The following NCAPH variants were observed in gnomAD, a reference collection of about 807,000 sequenced individuals.
NCAPH encodes the protein condensin complex subunit 2.
NCAPH carries 38 observed loss-of-function variants against 85.5 expected under a neutral mutation model. The observed-to-expected ratio is 0.44, with a 90% confidence interval of 0.34 to 0.58. The LOEUF (loss-of-function observed/expected upper bound fraction) is 0.58. NCAPH is among the 20% of genes least tolerant of loss of function. NCAPH has a pLI of 0.01. For missense variants in NCAPH, 789 were observed against 916.6 expected (o/e 0.86, Z 1.80); for synonymous variants, 301 against 335.1 (o/e 0.90, Z 1.11).
At chr2:96,359,254 A>G in intron 10 of NCAPH, 61 bp downstream of exon 10, 1 of 1,587,700 alleles carries the variant, frequency 6.3e-7, no homozygotes, top group Non-Finnish European at 8.6e-7. Flanking sequence ...GCCAGTCAGC[A>G]GTTAGCCAAG....
intron 12 of NCAPH, among the ~76,000 whole-genome samples, chr2:96,361,901 C>CAGG (rs2064628652): frequency 7.1e-6 from 1 of 141,360 alleles, no homozygotes; most frequent in Non-Finnish European, 1.5e-5. Context: ...TTTTTAGAGA[C>CAGG]AGGGTCTTGC....
At chr2:96,372,926 C>A (rs2104513618) in intron 17 of NCAPH, among the ~76,000 whole-genome samples, 1 of 152,210 alleles carries the variant, frequency 6.6e-6, no homozygotes, top group Non-Finnish European at 1.5e-5. Flanking sequence ...CCTTGGAACA[C>A]CCCTCGAGGA....
chr2:96,349,579 G>A (rs1222592945), intron 6 of NCAPH, among the ~76,000 whole-genome samples: 6 of 151,922 alleles, frequency 3.9e-5, no homozygotes, highest in African/African-American at 1.5e-4. Context: ...ATGGGATTTT[G>A]CCATGTTGGC....
intron 13 of NCAPH, among the ~76,000 whole-genome samples, chr2:96,364,810 A>C (rs1280732598): frequency 1.3e-5 from 2 of 152,226 alleles, no homozygotes; most frequent in Non-Finnish European, 2.9e-5. Flanking sequence ...TCCTACATGC[A>C]GGAAGCAAAT....
In NCAPH at chr2:96,341,716, C is replaced by A. The variant is rs754320925; in HGVS notation, c.94C>A (p.Arg32Ser). The change falls in exon 2 of 18, where the codon CGT becomes AGT. Residue 32 changes from arginine (R) to serine (S), a missense_variant. By Grantham distance (110) the Arg-to-Ser change is moderately radical (BLOSUM62 -1). Transcript: ENST00000240423. The part of the protein sequence containing the change: ...HPHSASSPSE[R>S]VFPMPLPRKA... Reference sequence around the variant, plus strand: ...CCACAGTGCCTCCTCTCCTTCAGAGCGTGTGTTCCCGATGCCCCTGCCCAG... The same window carrying A: ...CCACAGTGCCTCCTCTCCTTCAGAGAGTGTGTTCCCGATGCCCCTGCCCAG... The A allele has an allele frequency of 1.2e-6, 2 of 1,614,106 alleles. No homozygotes were observed. The highest frequency in any genetic ancestry group is 1.7e-6 in the Non-Finnish European group (2 of 1,180,042).
At chr2:96,369,585 G>A in intron 17 of NCAPH, 85 bp downstream of exon 17, 3 of 1,354,218 alleles carry the variant, frequency 2.2e-6, no homozygotes, top group Middle Eastern at 2.0e-4. Context: ...TCTTTCATGG[G>A]CTAACATAGG....
chr2:96,358,555 A>G (rs989285909), intron 9 of NCAPH, among the ~76,000 whole-genome samples: 23 of 151,708 alleles, frequency 1.5e-4, no homozygotes, highest in Admixed American at 2.6e-4. Flanking sequence ...TGCAAGCTCC[A>G]CCTCCTGGGT....
In NCAPH at chr2:96,354,215, G is replaced by A; in HGVS notation, c.1035G>A (p.Lys345=). 2 of 1,614,154 alleles carry A rather than the reference G, an allele frequency of 1.2e-6. No homozygotes were observed. Among genetic ancestry groups the A allele is most frequent in the Non-Finnish European group, 1.7e-6 (2 of 1,180,022 alleles). The change falls in exon 9 of 18, where the codon AAG becomes AAA. Residue 345 remains lysine, a synonymous_variant. Transcript: ENST00000240423. ...CGGCCCTGGTAGACAAGTTTAAGAA[G>A]AATGACCAGGTATTTGACATCAATG... ...SVSALVDKFK[K]NDQVFDINAE... is the part of the protein sequence containing the mutation.
At chr2:96,363,900 C>G (rs568652238) in intron 12 of NCAPH, among the ~76,000 whole-genome samples, 2 of 152,066 alleles carry the variant, frequency 1.3e-5, no homozygotes, top group African/African-American at 4.8e-5. Context: ...CAGCCTCAAC[C>G]CCTGGGCTCA....
At chr2:96,337,463 A>G (rs1371016212) in intron 1 of NCAPH, among the ~76,000 whole-genome samples, 1 of 152,168 alleles carries the variant, frequency 6.6e-6, no homozygotes, top group Non-Finnish European at 1.5e-5. Flanking sequence ...TCTATCGCCC[A>G]GGCTGGAGTG....
intron 7 of NCAPH, among the ~76,000 whole-genome samples, chr2:96,353,018 G>A (rs1438726397): frequency 1.3e-5 from 2 of 152,160 alleles, no homozygotes; most frequent in Admixed American, 6.5e-5. Context: ...TTTCAGAATC[G>A]AATGTCTGTG....
chr2:96,354,452 CTT>C, intron 9 of NCAPH, 64 bp downstream of exon 9: 1 of 1,294,144 alleles, frequency 7.7e-7, no homozygotes, highest in Non-Finnish European at 1.0e-6. Context: ...TTTTCTTTTT[CTT>C]TTTTTTCTAA....
intron 9 of NCAPH, among the ~76,000 whole-genome samples, chr2:96,355,190 T>A (rs1647556129): frequency 6.6e-6 from 1 of 152,170 alleles, no homozygotes; most frequent in African/African-American, 2.4e-5. Context: ...ACTTAATAGG[T>A]TAGTATTGTT....
chr2:96,359,810 G>T (rs1041718587), intron 10 of NCAPH, among the ~76,000 whole-genome samples: 1 of 152,166 alleles, frequency 6.6e-6, no homozygotes, highest in African/African-American at 2.4e-5. Context: ...TTTCCATAGT[G>T]ATGGGATCCC....
At chr2:96,356,858 C>A (rs576678436) in intron 9 of NCAPH, among the ~76,000 whole-genome samples, 1 of 151,154 alleles carries the variant, frequency 6.6e-6, no homozygotes, top group Non-Finnish European at 1.5e-5. Context: ...GTAGATGCCT[C>A]ACGTTATTGG....
chr2:96,346,450 C>G (rs1478122894), intron 6 of NCAPH, among the ~76,000 whole-genome samples: 1 of 152,032 alleles, frequency 6.6e-6, no homozygotes, highest in Non-Finnish European at 1.5e-5. Flanking sequence ...TGGGTACAAT[C>G]ATGGAGTAGG....
chr2:96,354,282 T>TCCCTGGGGA lies in NCAPH; in HGVS notation c.1110_1111insACCCTGGGG (p.Gly370_Asp371insThrLeuGly), dbSNP rs2064491302. The TCCCTGGGGA allele has an allele frequency of 6.2e-7, 1 of 1,613,938 alleles. No homozygotes were observed. The highest frequency in any genetic ancestry group is 2.2e-5 in the East Asian group (1 of 44,872). ...TGACTGTGGAGACTTCCCCGATGGG[T>TCCCTGGGGA]CCCTGGGGGATGACTTTGATGCCAA... On this transcript the variant is annotated inframe_insertion, in exon 9 of 18. Coordinates refer to ENST00000240423, the MANE Select transcript of NCAPH (RefSeq NM_015341.5).
chr2:96,340,383 C>CTTTT (rs908160989), intron 1 of NCAPH, among the ~76,000 whole-genome samples: 25 of 91,258 alleles, frequency 2.7e-4, no homozygotes, highest in Non-Finnish European at 3.2e-4. Context: ...TAATAAGCAT[C>CTTTT]TTTTTTTTTT....
Position 96,343,235 on chromosome 2 carries a change from G to C in NCAPH, c.526G>C (p.Val176Leu). Residue 176 changes from valine to leucine, a missense_variant, in exon 5 of 18, where the codon GTA becomes CTA. By Grantham distance (32) the Val-to-Leu change is conservative. Coordinates refer to ENST00000240423, the MANE Select transcript of NCAPH (RefSeq NM_015341.5). Reference sequence around the variant, plus strand: ...GCGCGTGGATGCCGTCCATGCCGATGTATACAGAGTCCTTGGGGGGCTGGG... The same window carrying C: ...GCGCGTGGATGCCGTCCATGCCGATCTATACAGAGTCCTTGGGGGGCTGGG... ...AVRVDAVHAD[V>L]YRVLGGLGKD... The C allele has an allele frequency of 1.2e-6, 2 of 1,614,170 alleles. No individual in the cohort carries two copies. Among genetic ancestry groups the C allele is most frequent in the Non-Finnish European group, 1.7e-6 (2 of 1,180,030 alleles).
Sources: gnomAD v4.1 joint callset for allele counts (sites outside exome capture counted in the v4.1 genomes callset) on GRCh38, gnomAD v4.1.1 for gene constraint, MANE v1.5 for transcripts, NCBI Gene and HGNC (gene_info 2026-07-23, HGNC 2026-07-21) for gene names.